IKBKE: variants seen among roughly 807,000 people sequenced by gnomAD.
The protein encoded by IKBKE is inhibitor of nuclear factor kappa-B kinase subunit epsilon.
A neutral mutation model predicts 92.1 loss-of-function variants in IKBKE; 45 were observed. That is an observed-to-expected ratio of 0.49 (90% CI 0.38 to 0.63). The LOEUF (loss-of-function observed/expected upper bound fraction) is 0.63. Among genes scored for constraint, IKBKE ranks in the 20% least tolerant of loss-of-function variants. The pLI is 0.00. For missense variants in IKBKE, 700 were observed against 932.8 expected (o/e 0.75, Z 3.25); for synonymous variants, 374 against 380.3 (o/e 0.98, Z 0.19).
chr1:206,493,340 TCCTTAC>T lies in IKBKE; in HGVS notation c.2010_2015del (p.Tyr671_Pro672del), dbSNP rs782034728. On this transcript the variant is annotated inframe_deletion, in exon 20 of 22. Coordinates refer to ENST00000581977, the MANE Select transcript of IKBKE (RefSeq NM_014002.4). The stretch of plus-strand genomic sequence containing the variant: ...CTCAGGCCTCGCCGCCTCCCATAGC[TCCTTAC>T]CCCAGCCCTACACGAAAGGACCTGC... 83 of 1,613,686 alleles carry T rather than the reference TCCTTAC, an allele frequency of 5.1e-5. No homozygotes were observed. Among genetic ancestry groups the T allele is most frequent in the Non-Finnish European group, 6.9e-5 (81 of 1,179,962 alleles).
intron 13 of IKBKE, among the ~76,000 whole-genome samples, chr1:206,483,786 A>C (rs1288124553): frequency 2.0e-5 from 3 of 152,202 alleles, no homozygotes; most frequent in Non-Finnish European, 2.9e-5. Flanking sequence ...AACCAACATG[A>C]AATGATAGTG....
rs1421562892 is a variant in IKBKE, at chr1:206,485,627, G to T, written c.1616+321G>T. 6.6e-6 allele frequency among the ~76,000 whole-genome samples: 1 copy of T among 152,184 alleles called. No individual in the cohort carries two copies. The highest frequency in any genetic ancestry group is 2.4e-5 in the African/African-American group (1 of 41,424). On this transcript the variant is annotated intron_variant, in intron 15 of 21. Coordinates refer to ENST00000581977, the MANE Select transcript of IKBKE (RefSeq NM_014002.4). This position sits in a 1 kb window ranked among gnomAD's most constrained non-coding sequence, Gnocchi z 5.0. ...TTTCTCTGTGTCAGGCCCTTGGGTA[G>T]GTCCTCTCACGTACAGCATCTCGTT...
At chr1:206,484,173 T>G (rs1369240810) in intron 13 of IKBKE, among the ~76,000 whole-genome samples, 4 of 131,596 alleles carry the variant, frequency 3.0e-5, no homozygotes, top group South Asian at 2.4e-4. Flanking sequence ...ATTATTTTTG[T>G]AGAGACAGGG....
At chr1:206,475,625 C>T (rs1216415397) in intron 5 of IKBKE, among the ~76,000 whole-genome samples, 1 of 151,162 alleles carries the variant, frequency 6.6e-6, no homozygotes, top group Non-Finnish European at 1.5e-5. Context: ...TAGTTCCAGC[C>T]ACTTGGGAGG....
Position 206,493,963 on chromosome 1 carries a change from C to T in IKBKE, c.2089C>T (p.Leu697Phe), listed in dbSNP as rs781849914. ...GGGGATGAAGCTGCTGGCATCTGAC[C>T]TCCTGGACAACAACCGCATCATCGA... is the stretch of plus-strand genomic sequence containing the variant. ...CEGMKLLASDLLDNNRIIERL... is the reference protein window; with the variant it reads ...CEGMKLLASDFLDNNRIIERL... Residue 697 changes from leucine to phenylalanine, a missense_variant, in exon 21 of 22, where the codon CTC becomes TTC. Transcript: ENST00000581977. 6.2e-7 allele frequency: 1 copy of T among 1,614,102 alleles called. No homozygotes were observed. Among genetic ancestry groups the T allele is most frequent in the South Asian group, 1.1e-5 (1 of 91,084 alleles).
chr1:206,474,498 G>A (rs782671499), intron 4 of IKBKE, 27 bp downstream of exon 4: 2 of 1,599,604 alleles, frequency 1.3e-6, no homozygotes, highest in Non-Finnish European at 8.5e-7. Flanking sequence ...GTCAGAGAAT[G>A]GTCTTGTCCT....
intron 16 of IKBKE, among the ~76,000 whole-genome samples, chr1:206,489,479 G>A (rs916476076): frequency 2.0e-5 from 3 of 150,464 alleles, no homozygotes; most frequent in Non-Finnish European, 4.4e-5. Flanking sequence ...GAAGCGGGAG[G>A]ATCACTTGGG....
chr1:206,480,675 C>T (rs1665332928), intron 13 of IKBKE, 142 bp downstream of exon 13: 3 of 666,356 alleles, frequency 4.5e-6, no homozygotes, highest in Non-Finnish European at 8.1e-6. Context: ...AGGGCACCCG[C>T]ACCCTATCCC....
At chr1:206,473,998 A>G (rs1261364248) in intron 3 of IKBKE, among the ~76,000 whole-genome samples, 1 of 150,602 alleles carries the variant, frequency 6.6e-6, no homozygotes, top group African/African-American at 2.4e-5. Context: ...TTGGAGCCAT[A>G]CAGACCAGGT....
At chr1:206,491,312 A>T (rs1159932107) in intron 17 of IKBKE, 1 of 351,400 alleles carries the variant, frequency 2.8e-6, no homozygotes, top group Non-Finnish European at 5.4e-6. Context: ...TTTTTGTCTC[A>T]CACACACACG....
At position 206,490,705 on chromosome 1, in the gene IKBKE, G is replaced by A. The variant is rs1553390084; in HGVS notation, c.1694-114G>A. On this transcript the variant is annotated intron_variant, in intron 16 of 21. Coordinates refer to ENST00000581977, the MANE Select transcript of IKBKE (RefSeq NM_014002.4). This position sits in a 1 kb window ranked among gnomAD's most constrained non-coding sequence, Gnocchi z 5.2. ...CTGCTCCGCTGGGCGGTGAGTTCCCGTGAAGCAGCACAGGCTGGGCCGTCT... is the reference window on the plus strand; with the variant it reads ...CTGCTCCGCTGGGCGGTGAGTTCCCATGAAGCAGCACAGGCTGGGCCGTCT... 5 of 1,087,492 alleles carry A rather than the reference G, an allele frequency of 4.6e-6. No individual in the cohort carries two copies. Among genetic ancestry groups the A allele is most frequent in the South Asian group, 1.3e-5 (1 of 78,666 alleles). The allele number at this position is 1,087,492 out of a possible 1,614,324, so 67.4% of individuals were successfully genotyped here.
chr1:206,476,527 GA>G lies in IKBKE; in HGVS notation c.541-147del. 1 of 1,120,190 alleles carries G rather than the reference GA, an allele frequency of 8.9e-7. No homozygotes were observed. Among genetic ancestry groups the G allele is most frequent in the Non-Finnish European group, 1.3e-6 (1 of 779,162 alleles). 69.4% of individuals were successfully genotyped at this position (1,120,190 alleles called of 1,614,324 possible). A position where few individuals can be genotyped will look rare whatever the true frequency, so the allele number is the denominator to read the frequency against. ...AGAATGCATTCTGTTCTCTAAGATGGAAAAGGTGAGGCTGACACCCATTTTT... is the reference window on the plus strand; with the variant it reads ...AGAATGCATTCTGTTCTCTAAGATGGAAAGGTGAGGCTGACACCCATTTTT... On this transcript the variant is annotated intron_variant, in intron 6 of 21. Coordinates refer to ENST00000581977, the MANE Select transcript of IKBKE (RefSeq NM_014002.4). This position sits in a 1 kb window ranked among gnomAD's most constrained non-coding sequence, Gnocchi z 5.1.
rs782598078 is a variant in IKBKE, at chr1:206,478,114, G to A, written c.813-46G>A. ...TCCTATTGCCTGCTTAAGGAGGATA[G>A]GTCTGGGCCCCCACCCCTGACAGTC... On this transcript the variant is annotated intron_variant, in intron 8 of 21. Transcript: ENST00000581977. This position sits in a 1 kb window ranked among gnomAD's most constrained non-coding sequence, Gnocchi z 4.8. 6.4e-7 allele frequency: 1 copy of A among 1,551,202 alleles called. No homozygotes were observed. Among genetic ancestry groups the A allele is most frequent in the Admixed American group, 1.7e-5 (1 of 57,700 alleles).
Position 206,478,302 on chromosome 1 carries a change from G to T in IKBKE, c.955G>T (p.Ala319Ser). 6.2e-7 allele frequency: 1 copy of T among 1,613,942 alleles called. No individual in the cohort carries two copies. Among genetic ancestry groups the T allele is most frequent in the Non-Finnish European group, 8.5e-7 (1 of 1,180,036 alleles). ...CGTCCATGTCTTCTCCCTGTCCCAG[G>T]CAGTCCTGCACCACATCTATATCCA... ...VVVHVFSLSQ[A>S]VLHHIYIHAH... The change falls in exon 9 of 22, where the codon GCA becomes TCA. Residue 319 changes from alanine to serine, a missense_variant. Ala to Ser is a moderately conservative substitution (Grantham distance 99). Coordinates refer to ENST00000581977, the MANE Select transcript of IKBKE (RefSeq NM_014002.4). This position sits in a 1 kb window ranked among gnomAD's most constrained non-coding sequence, Gnocchi z 4.8.
At chr1:206,495,049 C>T (rs1006969741) in intron 21 of IKBKE, among the ~76,000 whole-genome samples, 1 of 150,788 alleles carries the variant, frequency 6.6e-6, no homozygotes, top group East Asian at 1.9e-4. Flanking sequence ...CACATTTTAC[C>T]ACCAAAGAGA....
Position 206,493,302 on chromosome 1 carries a change from C to A in IKBKE, c.1969C>A (p.Arg657=). 6.8e-6 allele frequency: 11 copies of A among 1,614,014 alleles called. No homozygotes were observed. Among genetic ancestry groups the A allele is most frequent in the Non-Finnish European group, 9.3e-6 (11 of 1,180,002 alleles). Reference sequence around the variant, plus strand: ...GCTATCTCACCAGCTCCTTCAGGACCGAGCAAAGGGGGCTCAGGCCTCGCC... The same window carrying A: ...GCTATCTCACCAGCTCCTTCAGGACAGAGCAAAGGGGGCTCAGGCCTCGCC... The part of the protein sequence containing the change: ...EELSHQLLQD[R]AKGAQASPPP... Residue 657 remains arginine, a synonymous_variant, in exon 20 of 22, where the codon CGA becomes AGA. Coordinates refer to ENST00000581977, the MANE Select transcript of IKBKE (RefSeq NM_014002.4).
Position 206,480,469 on chromosome 1 carries a change from AGACG to A in IKBKE, c.1367_1370del (p.Arg456LeufsTer33). On this transcript the variant is annotated frameshift_variant, in exon 13 of 22. Coordinates refer to ENST00000581977, the MANE Select transcript of IKBKE (RefSeq NM_014002.4). LOFTEE classifies it high-confidence loss of function. ...CAGGGAGGTGCTCCAGGCCACATGCAGACGGACTCTGGAAGTGGCAAGGACATCC... is the reference window on the plus strand; with the variant it reads ...CAGGGAGGTGCTCCAGGCCACATGCAGACTCTGGAAGTGGCAAGGACATCC... 3 of 1,613,824 alleles carry A rather than the reference AGACG, an allele frequency of 1.9e-6. No individual in the cohort carries two copies. The highest frequency in any genetic ancestry group is 2.5e-6 in the Non-Finnish European group (3 of 1,179,860).
chr1:206,494,592 C>CTTTTTT lies in IKBKE; in HGVS notation c.2117+625_2117+630dup, dbSNP rs58971788. On this transcript the variant is annotated intron_variant, in intron 21 of 21. Coordinates refer to ENST00000581977, the MANE Select transcript of IKBKE (RefSeq NM_014002.4). ...TTTTGCATACCAGTAAAAGTTCTTTCTTTTTTTTTTTTTTTTTTTTTTTTT... is the reference window on the plus strand; with the variant it reads ...TTTTGCATACCAGTAAAAGTTCTTTCTTTTTTTTTTTTTTTTTTTTTTTTTTTTTTT... Among the ~76,000 whole-genome samples the CTTTTTT allele has an allele frequency of 1.5e-3, 98 of 63,898 alleles. 3 individuals carry two copies. Among genetic ancestry groups the CTTTTTT allele is most frequent in the Non-Finnish European group, 2.1e-3 (70 of 33,440 alleles). 41.9% of individuals were successfully genotyped at this position (63,898 alleles called of 152,430 possible). A position where few individuals can be genotyped will look rare whatever the true frequency, so the allele number is the denominator to read the frequency against.
At chr1:206,480,950 G>A (rs2184029) in intron 13 of IKBKE, among the ~76,000 whole-genome samples, 37,239 of 152,076 alleles carry the variant, frequency 0.24, 5,205 homozygotes, top group East Asian at 0.62. Flanking sequence ...AGGTGGTCTC[G>A]TTCTCCATGC....
Sources: allele counts gnomAD v4.1 joint callset (sites outside exome capture counted in the v4.1 genomes callset), GRCh38; gene constraint gnomAD v4.1.1; non-coding constraint Gnocchi (gnomAD v3.1); transcripts MANE v1.5; gene names NCBI Gene and HGNC (gene_info 2026-07-23, HGNC 2026-07-21).